Variants in IGF1R observed in about 807,000 individuals in gnomAD.
IGF1R encodes the protein insulin-like growth factor 1 receptor.
In IGF1R, 44 loss-of-function variants were observed where a neutral mutation model predicts 144.6. The observed-to-expected ratio is 0.30, with a 90% CI of 0.24 to 0.39. The LOEUF is 0.39. Ranked by LOEUF, IGF1R falls within the 10% of genes least tolerant of loss-of-function variation. The pLI is 1.00. For synonymous variants in IGF1R, 795 were observed against 722.8 expected (o/e 1.10, Z -1.60); for missense variants, 1,355 against 1,833.7 (o/e 0.74, Z 4.77).
At chr15:98,852,602 C>G (rs1361567965) in intron 2 of IGF1R, among the ~76,000 whole-genome samples, 1 of 152,040 alleles carries the variant, frequency 6.6e-6, no homozygotes, top group Non-Finnish European at 1.5e-5. Flanking sequence ...GATGTGTTCC[C>G]CCCACTAAGA....
chr15:98,745,439 G>A (rs890474266), intron 2 of IGF1R, among the ~76,000 whole-genome samples: 1 of 152,218 alleles, frequency 6.6e-6, no homozygotes, highest in African/African-American at 2.4e-5. Context: ...CGGTGGCCCA[G>A]TCAGGAGCTC....
At chr15:98,944,030 G>A (rs866992581) in intron 19 of IGF1R, among the ~76,000 whole-genome samples, 15 of 152,318 alleles carry the variant, frequency 9.8e-5, no homozygotes, top group Middle Eastern at 6.8e-3. Context: ...TTTGCAATCA[G>A]CTTGTCCAAG....
chr15:98,948,648 T>C lies in IGF1R; in HGVS notation c.3662T>C (p.Val1221Ala). The C allele has an allele frequency of 6.2e-7, 1 of 1,614,126 alleles. No individual in the cohort carries two copies. The highest frequency in any genetic ancestry group is 1.1e-5 in the South Asian group (1 of 91,074). Residue 1221 changes from valine (V) to alanine (A), a missense_variant, in exon 20 of 21, where the codon GTC becomes GCC. This residue lies in a region of IGF1R where 77 missense variants were observed against 163.2 expected (regional missense o/e 0.47). Coordinates refer to ENST00000650285, the MANE Select transcript of IGF1R (RefSeq NM_000875.5). ...QPYQGLSNEQ[V>A]LRFVMEGGLL... Reference sequence around the variant, plus strand: ...TACCAGGGCTTGTCCAACGAGCAAGTCCTTCGCTTCGTCATGGAGGGCGGC... The same window carrying C: ...TACCAGGGCTTGTCCAACGAGCAAGCCCTTCGCTTCGTCATGGAGGGCGGC...
At chr15:98,748,878 T>C (rs1261082476) in intron 2 of IGF1R, among the ~76,000 whole-genome samples, 1 of 152,190 alleles carries the variant, frequency 6.6e-6, no homozygotes, top group Non-Finnish European at 1.5e-5. Context: ...ATTCCAGAAG[T>C]TGTTAGAATT....
rs761376405 is a variant in IGF1R at position 98,957,149 on chromosome 15, G to A, written c.3811G>A (p.Glu1271Lys). 2 of 1,614,256 alleles carry A rather than the reference G, an allele frequency of 1.2e-6. No individual in the cohort carries two copies. Among genetic ancestry groups the A allele is most frequent in the Non-Finnish European group, 1.7e-6 (2 of 1,180,048 alleles). The change falls in exon 21 of 21, where the codon GAG becomes AAG. Residue 1271 changes from glutamate (E) to lysine (K), a missense_variant. Transcript: ENST00000650285. The stretch of plus-strand genomic sequence containing the variant: ...CATCAGCAGCATCAAAGAGGAGATG[G>A]AGCCTGGCTTCCGGGAGGTCTCCTT... ...EIISSIKEEMEPGFREVSFYY... is the reference protein window; with the variant it reads ...EIISSIKEEMKPGFREVSFYY...
At chr15:98,716,003 T>C (rs907810) in intron 2 of IGF1R, among the ~76,000 whole-genome samples, 146,393 of 152,306 alleles carry the variant, frequency 0.96, 70,500 homozygotes, top group Non-Finnish European at 0.98. Flanking sequence ...AAGAAGTTCA[T>C]CTCCAAACCA....
intron 2 of IGF1R, 53 bp downstream of exon 2, chr15:98,708,160 C>T (rs926449848): frequency 2.8e-6 from 4 of 1,439,012 alleles, no homozygotes; most frequent in Non-Finnish European, 3.9e-6. Flanking sequence ...CTCCTCTCCT[C>T]CTCCTTGACC....
intron 2 of IGF1R, among the ~76,000 whole-genome samples, chr15:98,844,076 ATAAT>A (rs2011228164): frequency 6.6e-6 from 1 of 152,232 alleles, no homozygotes; most frequent in African/African-American, 2.4e-5. Flanking sequence ...ACTACAGTAA[ATAAT>A]ATCTATTTGT....
At chr15:98,777,649 A>C (rs1034112479) in intron 2 of IGF1R, among the ~76,000 whole-genome samples, 2 of 152,166 alleles carry the variant, frequency 1.3e-5, no homozygotes, top group South Asian at 4.1e-4. Flanking sequence ...GCAGACACAA[A>C]CGTAGCTCTC....
At chr15:98,880,945 TC>T (rs1417302826) in intron 2 of IGF1R, 1 of 152,242 alleles carries the variant, frequency 6.6e-6, no homozygotes, top group Non-Finnish European at 1.5e-5. Flanking sequence ...CAGAGCCAGT[TC>T]CACCCAAACA....
intron 13 of IGF1R, among the ~76,000 whole-genome samples, chr15:98,925,600 GT>G (rs571017273): frequency 4.0e-4 from 61 of 152,330 alleles, no homozygotes; most frequent in African/African-American, 1.4e-3. Flanking sequence ...CACATCTGGA[GT>G]TACGTTAAAA....
At chr15:98,730,718 T>C (rs2054478194) in intron 2 of IGF1R, among the ~76,000 whole-genome samples, 1 of 152,254 alleles carries the variant, frequency 6.6e-6, no homozygotes, top group Non-Finnish European at 1.5e-5. Flanking sequence ...TTTTTAAATA[T>C]TCGAGATCTG....
chr15:98,841,392 T>C (rs1252691995), intron 2 of IGF1R, among the ~76,000 whole-genome samples: 1 of 152,234 alleles, frequency 6.6e-6, no homozygotes, highest in Non-Finnish European at 1.5e-5. Context: ...ATTGCATCTG[T>C]GTGAAAACTG....
At chr15:98,907,976 G>A (rs536855853) in intron 5 of IGF1R, among the ~76,000 whole-genome samples, 1 of 152,362 alleles carries the variant, frequency 6.6e-6, no homozygotes, top group South Asian at 2.1e-4. Context: ...CAGAAGCTCT[G>A]GGGGTGGGGC....
In IGF1R at chr15:98,960,285, T is replaced by G. The variant is rs1209758112; in HGVS notation, c.*2843T>G. 2 of 181,102 alleles carry G rather than the reference T, an allele frequency of 1.1e-5. No individual in the cohort carries two copies. Among genetic ancestry groups the G allele is most frequent in the Non-Finnish European group, 2.1e-5 (2 of 93,462 alleles). 11.2% of individuals were successfully genotyped at this position (181,102 alleles called of 1,614,324 possible). On this transcript the variant is annotated 3_prime_UTR_variant, in exon 21 of 21. Coordinates refer to ENST00000650285, the MANE Select transcript of IGF1R (RefSeq NM_000875.5). ...TGCCTTTTTCTGAGATGTCCTGTTTTGTGTTGCTTTTTTTGTTTTGTTTTC... is the reference window on the plus strand; with the variant it reads ...TGCCTTTTTCTGAGATGTCCTGTTTGGTGTTGCTTTTTTTGTTTTGTTTTC...
At chr15:98,932,234 A>G (rs1033913956) in intron 15 of IGF1R, among the ~76,000 whole-genome samples, 2 of 152,236 alleles carry the variant, frequency 1.3e-5, no homozygotes, top group Non-Finnish European at 2.9e-5. Context: ...AGGTGGGAAC[A>G]GTGTCACCTT....
intron 2 of IGF1R, among the ~76,000 whole-genome samples, chr15:98,829,273 C>G: frequency 6.6e-6 from 1 of 151,966 alleles, no homozygotes; most frequent in East Asian, 1.9e-4. Flanking sequence ...TTTCGTGTTA[C>G]ACATGTCTGA....
At chr15:98,719,205 A>G (rs932654571) in intron 2 of IGF1R, among the ~76,000 whole-genome samples, 9 of 152,216 alleles carry the variant, frequency 5.9e-5, no homozygotes, top group Non-Finnish European at 1.0e-4. Context: ...CAGAGAATGT[A>G]CTGAGTGTGT....
intron 2 of IGF1R, among the ~76,000 whole-genome samples, chr15:98,783,807 C>T (rs147969099): frequency 7.9e-5 from 12 of 151,938 alleles, no homozygotes; most frequent in African/African-American, 2.7e-4. Context: ...TGGAGAATAC[C>T]GATGCTGTTG....
Sources: gnomAD v4.1 joint callset for allele counts (sites outside exome capture counted in the v4.1 genomes callset) on GRCh38, gnomAD v4.1.1 for gene constraint, gnomAD v4.1.1 regional missense constraint, MANE v1.5 for transcripts, NCBI Gene and HGNC (gene_info 2026-07-23, HGNC 2026-07-21) for gene names.